Variants in L3MBTL3 observed in about 807,000 individuals in gnomAD.
The protein encoded by L3MBTL3 is L3MBTL histone methyl-lysine binding protein 3.
Under a neutral mutation model 102.3 loss-of-function variants are expected in L3MBTL3, and 27 were observed. The ratio of observed to expected loss-of-function variants is 0.26; its 90% CI spans 0.19 to 0.36. The LOEUF (loss-of-function observed/expected upper bound fraction) is 0.36. Among genes scored for constraint, L3MBTL3 ranks in the 10% least tolerant of loss-of-function variants. L3MBTL3 has a pLI of 1.00. For synonymous variants in L3MBTL3, 340 were observed against 320.9 expected, an observed-to-expected ratio of 1.06 and a Z score of -0.64; for missense variants, 798 against 955.3, an observed-to-expected ratio of 0.84 and a Z score of 2.17.
At chr6:130,097,002 C>T (rs751006356) in intron 18 of L3MBTL3, among the ~76,000 whole-genome samples, 1 of 152,150 alleles carries the variant, frequency 6.6e-6, no homozygotes, top group Admixed American at 6.6e-5. Flanking sequence ...TGACTCGAGC[C>T]CCTGGACCAA....
At chr6:130,123,061 A>G (rs1022277365) in intron 20 of L3MBTL3, among the ~76,000 whole-genome samples, 1 of 152,220 alleles carries the variant, frequency 6.6e-6, no homozygotes, top group African/African-American at 2.4e-5. Context: ...TTGATAACAT[A>G]TTTAGTTTCT....
chr6:130,122,471 C>A (rs1357510719), intron 20 of L3MBTL3, among the ~76,000 whole-genome samples: 1 of 152,186 alleles, frequency 6.6e-6, no homozygotes, highest in Non-Finnish European at 1.5e-5. Context: ...CTGAGTGTTT[C>A]TGTTTCTTTA....
intron 2 of L3MBTL3, among the ~76,000 whole-genome samples, chr6:130,028,065 C>T (rs1043652552): frequency 1.2e-4 from 17 of 146,632 alleles, no homozygotes; most frequent in Non-Finnish European, 6.0e-5. Context: ...ATTTCACTTT[C>T]TGTGTACCTT....
chr6:130,074,504 G>T (rs1375262791), intron 13 of L3MBTL3, among the ~76,000 whole-genome samples: 1 of 152,174 alleles, frequency 6.6e-6, no homozygotes, highest in South Asian at 2.1e-4. Flanking sequence ...ACCCAGGAAG[G>T]TAGGTCAGTA....
intron 13 of L3MBTL3, among the ~76,000 whole-genome samples, chr6:130,075,138 T>G (rs572777387): frequency 6.6e-6 from 1 of 152,246 alleles, no homozygotes. Flanking sequence ...TGTTCTGAAC[T>G]TCAACTCTGG....
At chr6:130,128,135 T>G (rs12194709) in intron 20 of L3MBTL3, among the ~76,000 whole-genome samples, 31,601 of 152,066 alleles carry the variant, frequency 0.21, 3,346 homozygotes, top group Admixed American at 0.23. Flanking sequence ...CTAGGCTAGT[T>G]ATTTTGTATT....
chr6:130,066,633 ATTAAAG>A, intron 11 of L3MBTL3, 145 bp downstream of exon 11: 1 of 641,526 alleles, frequency 1.6e-6, no homozygotes, highest in Non-Finnish European at 2.6e-6. Context: ...AACCATGTTT[ATTAAAG>A]TTAAAGAAAT....
In L3MBTL3 at chr6:130,120,978, T is replaced by C. The variant is rs747480648; in HGVS notation, c.1966+20T>C. ...CCAGAGGTAGCCATAATAATTCTCA[T>C]ATTACTAATGTGTATTACTGCTAAT... On this transcript the variant is annotated intron_variant, in intron 20 of 22. Coordinates refer to ENST00000361794, the MANE Select transcript of L3MBTL3 (RefSeq NM_032438.4). 2.0e-6 allele frequency: 3 copies of C among 1,496,252 alleles called. No homozygotes were observed. Among genetic ancestry groups the C allele is most frequent in the Non-Finnish European group, 1.9e-6 (2 of 1,074,688 alleles). The allele number at this position is 1,496,252 out of a possible 1,614,324, so 92.7% of individuals were successfully genotyped here. A position where few individuals can be genotyped will look rare whatever the true frequency, so the allele number is the denominator to read the frequency against.
chr6:130,079,686 A>G (rs971382024), intron 14 of L3MBTL3, among the ~76,000 whole-genome samples: 7 of 152,188 alleles, frequency 4.6e-5, no homozygotes, highest in African/African-American at 1.7e-4. Context: ...TGTAGCCTGC[A>G]GCATGTAAGC....
At chr6:130,050,154 C>A (rs1781002590) in intron 5 of L3MBTL3, among the ~76,000 whole-genome samples, 1 of 152,202 alleles carries the variant, frequency 6.6e-6, no homozygotes, top group African/African-American at 2.4e-5. Context: ...AATTTTACCC[C>A]CTTCCAATTG....
chr6:130,133,373 G>C lies in L3MBTL3; in HGVS notation c.1967-79G>C. The C allele has an allele frequency of 4.3e-6, 6 of 1,399,198 alleles. No individual in the cohort carries two copies. Among genetic ancestry groups the C allele is most frequent in the Non-Finnish European group, 6.0e-6 (6 of 1,000,208 alleles). 86.7% of individuals were successfully genotyped at this position (1,399,198 alleles called of 1,614,324 possible). On this transcript the variant is annotated intron_variant, in intron 20 of 22. Coordinates refer to ENST00000361794, the MANE Select transcript of L3MBTL3 (RefSeq NM_032438.4). This position sits in a 1 kb window ranked among gnomAD's most constrained non-coding sequence, Gnocchi z 4.9. Reference sequence around the variant, plus strand: ...TTTAACCACTCCCACCTCCAGTCTCGTTATCTGGGAGATGCACGGCATTTG... The same window carrying C: ...TTTAACCACTCCCACCTCCAGTCTCCTTATCTGGGAGATGCACGGCATTTG...
intron 15 of L3MBTL3, among the ~76,000 whole-genome samples, chr6:130,084,259 G>A (rs560192631): frequency 1.3e-5 from 2 of 152,114 alleles, no homozygotes; most frequent in African/African-American, 4.8e-5. Context: ...TGCAAGGAAG[G>A]AATAAGAAGT....
chr6:130,021,869 A>G (rs1161983572), intron 1 of L3MBTL3, among the ~76,000 whole-genome samples: 3 of 152,194 alleles, frequency 2.0e-5, no homozygotes, highest in African/African-American at 7.2e-5. Context: ...AATTTTATGT[A>G]ATATCTATTC....
At chr6:130,042,036 TC>T in intron 2 of L3MBTL3, among the ~76,000 whole-genome samples, 1 of 152,338 alleles carries the variant, frequency 6.6e-6, no homozygotes, top group Non-Finnish European at 1.5e-5. Flanking sequence ...TCATCAGTTG[TC>T]TATGATACCA....
intron 3 of L3MBTL3, among the ~76,000 whole-genome samples, chr6:130,045,172 C>A (rs2114716307): frequency 6.6e-6 from 1 of 152,266 alleles, no homozygotes; most frequent in South Asian, 2.1e-4. Context: ...GAAGTTCAAG[C>A]CCCTTAAGTT....
At chr6:130,093,792 A>G (rs1784196796) in intron 17 of L3MBTL3, among the ~76,000 whole-genome samples, 1 of 152,252 alleles carries the variant, frequency 6.6e-6, no homozygotes, top group Non-Finnish European at 1.5e-5. Context: ...GCCCACACTA[A>G]CATCAGTGGT....
rs779878464 is a variant in L3MBTL3 at position 130,133,889 on chromosome 6, A to G, written c.2183A>G (p.Lys728Arg). 4.3e-6 allele frequency: 7 copies of G among 1,612,406 alleles called. No individual in the cohort carries two copies. The highest frequency in any genetic ancestry group is 1.3e-5 in the African/African-American group (1 of 74,916). The change falls in exon 22 of 23, where the codon AAG (lysine) becomes AGG (arginine). Residue 728 changes from lysine (K) to arginine (R), a missense_variant. Physicochemically the swap from Lys to Arg is conservative, Grantham distance 26. Coordinates refer to ENST00000361794, the MANE Select transcript of L3MBTL3 (RefSeq NM_032438.4). This position sits in a 1 kb window ranked among gnomAD's most constrained non-coding sequence, Gnocchi z 4.9. ...QSLPGCEEHG[K>R]VFKDEQIDGE... Reference sequence around the variant, plus strand: ...TTACCTGGGTGTGAAGAACATGGAAAGGTATTTAAAGATGAAGTAAGTATT... The same window carrying G: ...TTACCTGGGTGTGAAGAACATGGAAGGGTATTTAAAGATGAAGTAAGTATT...
At chr6:130,109,460 A>G (rs1785211543) in intron 19 of L3MBTL3, among the ~76,000 whole-genome samples, 1 of 152,240 alleles carries the variant, frequency 6.6e-6, no homozygotes, top group Non-Finnish European at 1.5e-5. Flanking sequence ...ATGACCAGTG[A>G]TGATGAGCTT....
chr6:130,118,606 T>C (rs908997281), intron 19 of L3MBTL3, among the ~76,000 whole-genome samples: 1 of 152,234 alleles, frequency 6.6e-6, no homozygotes, highest in Non-Finnish European at 1.5e-5. Context: ...ATCAATACAT[T>C]AACCTGAAAT....
Sources: allele counts gnomAD v4.1 joint callset (sites outside exome capture counted in the v4.1 genomes callset), GRCh38; gene constraint gnomAD v4.1.1; non-coding constraint Gnocchi (gnomAD v3.1); transcripts MANE v1.5; gene names NCBI Gene and HGNC (gene_info 2026-07-23, HGNC 2026-07-21).